Variants in ALMS1 observed in about 807,000 individuals in gnomAD.
The protein encoded by ALMS1 is ALMS1 centrosome and basal body associated protein, also known as centrosome-associated protein ALMS1.
Under a neutral mutation model 352.2 loss-of-function variants are expected in ALMS1, and 271 were observed. The ratio of observed to expected loss-of-function variants is 0.77; its 90% CI spans 0.70 to 0.85. The LOEUF (loss-of-function observed/expected upper bound fraction) is 0.85, where lower values mean the gene tolerates loss of function less well. Ranked by LOEUF, ALMS1 falls within the 40% of genes least tolerant of loss-of-function variation. The pLI is 0.00. For missense variants in ALMS1, 5,445 were observed against 4,870.7 expected, an observed-to-expected ratio of 1.12 and a Z score of -3.51; for synonymous variants, 1,865 against 1,761.2, an observed-to-expected ratio of 1.06 and a Z score of -1.48.
intron 21 of ALMS1, 72 bp downstream of exon 21, chr2:73,603,376 G>A: frequency 7.3e-7 from 1 of 1,364,750 alleles, no homozygotes; most frequent in South Asian, 1.2e-5. Context: ...GCTCTGGCTT[G>A]CACCCAGAAT....
chr2:73,553,412 A>G (rs1674478038), intron 13 of ALMS1, among the ~76,000 whole-genome samples: 2 of 152,236 alleles, frequency 1.3e-5, no homozygotes, highest in Admixed American at 6.5e-5. Flanking sequence ...GAACCCATTC[A>G]GTTTGAAGCC....
chr2:73,573,126 C>A lies in ALMS1; in HGVS notation c.11249C>A (p.Thr3750Asn), dbSNP rs1347394772. 20 of 1,613,864 alleles carry A rather than the reference C, an allele frequency of 1.2e-5. No homozygotes were observed. Among genetic ancestry groups the A allele is most frequent in the Non-Finnish European group, 1.7e-5 (20 of 1,179,992 alleles). Residue 3750 changes from threonine (T) to asparagine (N), a missense_variant, in exon 16 of 23, where the codon ACC becomes AAC. Thr to Asn is a moderately conservative substitution (Grantham distance 65, BLOSUM62 0). Coordinates refer to ENST00000613296, the MANE Select transcript of ALMS1 (RefSeq NM_001378454.1). Reference protein sequence around the residue: ...SEESELLTDTTTNILSGTTST... With the variant: ...SEESELLTDTNTNILSGTTST... ...GAGAGTGAGCTGCTCACAGATACTACCACCAACATCCTTTCCGGCACCACT... is the reference window on the plus strand; with the variant it reads ...GAGAGTGAGCTGCTCACAGATACTAACACCAACATCCTTTCCGGCACCACT...
rs556463600 is a variant in ALMS1 at position 73,438,226 on chromosome 2, A to G, written c.1432+5935A>G. Among the ~76,000 whole-genome samples, 716 of 152,322 alleles carry G rather than the reference A, an allele frequency of 4.7e-3. 3 individuals carry two copies. Among genetic ancestry groups the G allele is most frequent in the Non-Finnish European group, 8.8e-3 (598 of 68,014 alleles). ...TGTGTCCATGTTTGATTCATATTGT[A>G]TTGAAATGGTCCCTTGATATTAGTT... On this transcript the variant is annotated intron_variant, in intron 7 of 22. Transcript: ENST00000613296.
chr2:73,426,423 C>A (rs778895382), intron 5 of ALMS1, 30 bp from the exon 6 acceptor site: 22 of 1,608,462 alleles, frequency 1.4e-5, no homozygotes, highest in South Asian at 2.2e-5. Flanking sequence ...ACTATACATA[C>A]AATTATGCAA....
chr2:73,482,601 T>G (rs1378090556), intron 9 of ALMS1, among the ~76,000 whole-genome samples: 2 of 152,192 alleles, frequency 1.3e-5, no homozygotes, highest in African/African-American at 4.8e-5. Context: ...ATAAAAAGAG[T>G]TAGGGAGGAT....
intron 10 of ALMS1, among the ~76,000 whole-genome samples, chr2:73,513,657 A>G (rs1673497946): frequency 6.6e-6 from 1 of 151,666 alleles, no homozygotes; most frequent in African/African-American, 2.4e-5. Context: ...CAGCTCTGCC[A>G]CTCCATGTAA....
At chr2:73,402,019 ATG>A (rs1216125995) in intron 1 of ALMS1, among the ~76,000 whole-genome samples, 3 of 145,130 alleles carry the variant, frequency 2.1e-5, no homozygotes, top group Admixed American at 1.4e-4. Flanking sequence ...CCTCGTGTGT[ATG>A]TGTGTGTGTG....
intron 12 of ALMS1, among the ~76,000 whole-genome samples, chr2:73,543,067 A>G (rs1674226031): frequency 6.6e-6 from 1 of 152,214 alleles, no homozygotes; most frequent in Non-Finnish European, 1.5e-5. Context: ...CGTCAATCCT[A>G]AGACAAAAGG....
chr2:73,512,178 G>A (rs183009893), intron 10 of ALMS1, among the ~76,000 whole-genome samples: 3 of 151,980 alleles, frequency 2.0e-5, no homozygotes, highest in Admixed American at 6.6e-5. Context: ...TCTGCCTCCC[G>A]GGTTCAAGCG....
At chr2:73,517,505 C>T (rs1209379975) in intron 10 of ALMS1, among the ~76,000 whole-genome samples, 1 of 151,952 alleles carries the variant, frequency 6.6e-6, no homozygotes, top group Non-Finnish European at 1.5e-5. Flanking sequence ...GCCTCAGCCT[C>T]CCAAAGAACT....
At chr2:73,417,806 T>C (rs550953515) in intron 2 of ALMS1, among the ~76,000 whole-genome samples, 2 of 152,344 alleles carry the variant, frequency 1.3e-5, no homozygotes, top group East Asian at 3.9e-4. Flanking sequence ...TGATAGACTA[T>C]ACTTAATTAT....
intron 1 of ALMS1, among the ~76,000 whole-genome samples, chr2:73,403,590 G>A (rs1455916545): frequency 2.0e-5 from 3 of 151,910 alleles, no homozygotes; most frequent in Non-Finnish European, 4.4e-5. Flanking sequence ...TTTTCATAAG[G>A]ATTGTGTTGA....
intron 11 of ALMS1, among the ~76,000 whole-genome samples, chr2:73,529,039 GT>G (rs34604396): frequency 0.027 from 2,663 of 99,460 alleles, 19 homozygotes; most frequent in African/African-American, 0.058. Flanking sequence ...CCTCAAAGCA[GT>G]TTTTTTTTTT....
chr2:73,596,630 C>T (rs980682079), intron 16 of ALMS1, among the ~76,000 whole-genome samples: 6 of 151,458 alleles, frequency 4.0e-5, no homozygotes, highest in Non-Finnish European at 8.8e-5. Flanking sequence ...TGCCACCACA[C>T]CCAGCTAATT....
At chr2:73,579,042 G>A (rs1003018777) in intron 16 of ALMS1, among the ~76,000 whole-genome samples, 6 of 124,176 alleles carry the variant, frequency 4.8e-5, no homozygotes, top group Non-Finnish European at 8.2e-5. Context: ...ATCTGGGAAT[G>A]TCTTTAATTT....
At position 73,448,660 on chromosome 2, in the gene ALMS1, A is replaced by G. The variant is rs978513646; in HGVS notation, c.2133A>G (p.Val711=). The G allele has an allele frequency of 6.2e-7, 1 of 1,613,334 alleles. No individual in the cohort carries two copies. The highest frequency in any genetic ancestry group is 8.5e-7 in the Non-Finnish European group (1 of 1,179,770). Residue 711 remains valine (V), a synonymous_variant, in exon 8 of 23, where the codon GTA becomes GTG. Transcript: ENST00000613296. The part of the protein sequence containing the change: ...PADQKTGTAT[V]LSTPHSHREK... ...ACCAGAAGACTGGGACAGCAACAGT[A>G]CTCTCTACTCCCCACTCACATAGAG...
At position 73,477,753 on chromosome 2, in the gene ALMS1, A is replaced by T. The variant is rs7602950; in HGVS notation, c.7675-11881A>T. Among the ~76,000 whole-genome samples the T allele has an allele frequency of 6.6e-3, 998 of 152,076 alleles. 10 individuals are homozygous for T. Among genetic ancestry groups the T allele is most frequent in the Middle Eastern group, 0.037 (11 of 294 alleles). On this transcript the variant is annotated intron_variant, in intron 9 of 22. Coordinates refer to ENST00000613296, the MANE Select transcript of ALMS1 (RefSeq NM_001378454.1). ...TGCTGTTGTAAATTGAATTTTTTTT[A>T]AAAATTTATTTTTGGATTGTGAATT...
chr2:73,575,191 C>G (rs892419948), intron 16 of ALMS1, among the ~76,000 whole-genome samples: 1 of 152,042 alleles, frequency 6.6e-6, no homozygotes, highest in African/African-American at 2.4e-5. Context: ...GTTGTTTCCA[C>G]TTTTTGGTTA....
intron 21 of ALMS1, among the ~76,000 whole-genome samples, chr2:73,604,374 G>A (rs1261177490): frequency 6.6e-6 from 1 of 151,868 alleles, no homozygotes; most frequent in East Asian, 1.9e-4. Flanking sequence ...CTCCGGCCTG[G>A]GTAACAGACT....
Sources: allele counts gnomAD v4.1 joint callset (sites outside exome capture counted in the v4.1 genomes callset), GRCh38; gene constraint gnomAD v4.1.1; transcripts MANE v1.5; gene names NCBI Gene and HGNC (gene_info 2026-07-23, HGNC 2026-07-21).